CSMD1: variants seen among roughly 807,000 people sequenced by gnomAD.
CSMD1 encodes CUB and sushi domain-containing protein 1.
A neutral mutation model predicts 417.5 loss-of-function variants in CSMD1; 213 were observed. That is an observed-to-expected ratio of 0.51 (90% confidence interval 0.46 to 0.57). The LOEUF is 0.57. CSMD1 is among the 20% of genes least tolerant of loss of function. The pLI, the probability that CSMD1 is intolerant of heterozygous loss-of-function variation, is 0.00. For missense variants in CSMD1, 6,923 were observed against 4,529.7 expected (o/e 1.53, Z -15.17); for synonymous variants, 2,862 against 1,736.8 (o/e 1.65, Z -16.11).
intron 26 of CSMD1, among the ~76,000 whole-genome samples, chr8:3,257,738 A>G (rs1800764818): frequency 6.6e-6 from 1 of 152,028 alleles, no homozygotes; most frequent in Non-Finnish European, 1.5e-5. Context: ...AAGCATGGAC[A>G]TTTCTGGGGC....
chr8:4,042,322 C>T (rs967086299), intron 3 of CSMD1, among the ~76,000 whole-genome samples: 1 of 152,012 alleles, frequency 6.6e-6, no homozygotes, highest in East Asian at 1.9e-4. Context: ...TGTAGAGAGA[C>T]AAAGATAAAG....
In CSMD1 at chr8:3,071,093, G is replaced by A. The variant is rs140697962; in HGVS notation, c.7474+16004C>T. Reference sequence around the variant, plus strand: ...GTGGGTGGGGATGCCACACACCCAGGTCTCAAAAACACTTATTATCATGAA... The same window carrying A: ...GTGGGTGGGGATGCCACACACCCAGATCTCAAAAACACTTATTATCATGAA... On this transcript the variant is annotated intron_variant, in intron 49 of 69. Transcript: ENST00000635120. 7.3e-3 allele frequency among the ~76,000 whole-genome samples: 1,118 copies of A among 152,162 alleles called. 15 individuals carry two copies. Among genetic ancestry groups the A allele is most frequent in the African/African-American group, 0.025 (1,046 of 41,524 alleles).
At chr8:4,924,952 G>A (rs75988144) in intron 1 of CSMD1, among the ~76,000 whole-genome samples, 11,193 of 151,972 alleles carry the variant, frequency 0.074, 534 homozygotes, top group African/African-American at 0.13. Context: ...ATTATGCAAC[G>A]GAAGAATCTT....
At chr8:3,706,970 G>A (rs949222650) in intron 7 of CSMD1, among the ~76,000 whole-genome samples, 3 of 151,996 alleles carry the variant, frequency 2.0e-5, no homozygotes, top group African/African-American at 4.8e-5. Flanking sequence ...AATAGAAAGT[G>A]CCATGCAAAC....
At chr8:2,999,893 T>A in intron 53 of CSMD1, 65 bp downstream of exon 53, 1 of 1,430,260 alleles carries the variant, frequency 7.0e-7, no homozygotes, top group Non-Finnish European at 9.6e-7. Flanking sequence ...TATTGTGACC[T>A]AATAACAAAA....
At chr8:3,875,327 T>A (rs1169719322) in intron 5 of CSMD1, among the ~76,000 whole-genome samples, 1 of 152,098 alleles carries the variant, frequency 6.6e-6, no homozygotes, top group Non-Finnish European at 1.5e-5. Flanking sequence ...GCTGTTCTAT[T>A]AGGTGAAGGA....
At chr8:4,764,882 A>AAAACAAAAAACAAAACAAAACAAAAC (rs1563326772) in intron 1 of CSMD1, among the ~76,000 whole-genome samples, 11 of 47,558 alleles carry the variant, frequency 2.3e-4, no homozygotes, top group African/African-American at 6.9e-4. Context: ...CAAAAAAAAA[A>AAAACAAAAAACAAAACAAAACAAAAC]AAAAAAAAAA....
intron 3 of CSMD1, among the ~76,000 whole-genome samples, chr8:4,145,945 C>T (rs762499969): frequency 3.3e-5 from 5 of 150,996 alleles, no homozygotes; most frequent in South Asian, 4.2e-4. Flanking sequence ...AGACTGACCA[C>T]GCTGTTTCTT....
intron 5 of CSMD1, among the ~76,000 whole-genome samples, chr8:3,767,430 T>A (rs969155899): frequency 6.6e-6 from 1 of 152,206 alleles, no homozygotes; most frequent in South Asian, 2.1e-4. Context: ...ATTGTGTGAA[T>A]AACGATATGT....
intron 4 of CSMD1, among the ~76,000 whole-genome samples, chr8:4,024,066 T>C (rs961822278): frequency 4.6e-5 from 7 of 152,010 alleles, no homozygotes; most frequent in African/African-American, 7.2e-5. Flanking sequence ...GGAGAGAAAA[T>C]ATACTAGAAA....
At chr8:3,722,476 T>C (rs1054167463) in intron 6 of CSMD1, among the ~76,000 whole-genome samples, 12 of 152,202 alleles carry the variant, frequency 7.9e-5, no homozygotes, top group African/African-American at 2.9e-4. Context: ...CAGACAGATC[T>C]GAAACCATTC....
intron 5 of CSMD1, among the ~76,000 whole-genome samples, chr8:3,865,242 CA>C (rs1381058099): frequency 3.3e-5 from 5 of 152,192 alleles, no homozygotes; most frequent in African/African-American, 4.8e-5. Context: ...CCTCAACTAC[CA>C]ACCAAGTAGG....
At chr8:3,962,705 G>A (rs1280235840) in intron 5 of CSMD1, among the ~76,000 whole-genome samples, 6 of 152,074 alleles carry the variant, frequency 3.9e-5, no homozygotes, top group Non-Finnish European at 7.4e-5. Context: ...CAGAGGTGCG[G>A]CCCTTTCTTG....
intron 1 of CSMD1, among the ~76,000 whole-genome samples, chr8:4,882,985 A>G (rs1373682020): frequency 6.6e-6 from 1 of 152,082 alleles, no homozygotes; most frequent in African/African-American, 2.4e-5. Flanking sequence ...CTGCCAAGAC[A>G]GAAGAGAAAA....
At chr8:3,741,655 T>A (rs1257976836) in intron 6 of CSMD1, among the ~76,000 whole-genome samples, 1 of 152,198 alleles carries the variant, frequency 6.6e-6, no homozygotes, top group African/African-American at 2.4e-5. Flanking sequence ...TGAAAAGTAA[T>A]AAGGATTTCT....
In CSMD1 at chr8:3,018,555, C is replaced by T. The variant is rs1174864202; in HGVS notation, c.7951G>A (p.Gly2651Ser). The change falls in exon 52 of 70, where the codon GGC becomes AGC. Residue 2651 changes from glycine to serine, a missense_variant. By Grantham distance (56) the Gly-to-Ser change is moderately conservative. Coordinates refer to ENST00000635120, the MANE Select transcript of CSMD1 (RefSeq NM_033225.6). Reference protein sequence around the residue: ...GATAIFTCNTGYTLVGSHVRE... With the variant: ...GATAIFTCNTSYTLVGSHVRE... ...ACATGAGACCCCACAAGCGTGTAGC[C>T]GGTGTTGCACGTAAATATAGCTGTG... 2 of 1,613,554 alleles carry T rather than the reference C, an allele frequency of 1.2e-6. No individual in the cohort carries two copies. The highest frequency in any genetic ancestry group is 1.7e-6 in the Non-Finnish European group (2 of 1,179,750).
chr8:3,861,685 G>A (rs539550082), intron 5 of CSMD1, among the ~76,000 whole-genome samples: 7 of 152,280 alleles, frequency 4.6e-5, no homozygotes, highest in East Asian at 1.9e-4. Flanking sequence ...AGAGAATAGG[G>A]TTTTTTGTTT....
At chr8:4,447,925 A>AT (rs1174782385) in intron 2 of CSMD1, among the ~76,000 whole-genome samples, 1 of 152,198 alleles carries the variant, frequency 6.6e-6, no homozygotes, top group Non-Finnish European at 1.5e-5. Context: ...AATGACGACA[A>AT]TTACCACACT....
intron 1 of CSMD1, among the ~76,000 whole-genome samples, chr8:4,812,252 C>T (rs1342049631): frequency 2.0e-5 from 3 of 152,192 alleles, no homozygotes; most frequent in Non-Finnish European, 4.4e-5. Context: ...CTGTATTTCA[C>T]AGATGAATAG....
Sources: allele counts gnomAD v4.1 joint callset (sites outside exome capture counted in the v4.1 genomes callset), GRCh38; gene constraint gnomAD v4.1.1; transcripts MANE v1.5; gene names NCBI Gene and HGNC (gene_info 2026-07-23, HGNC 2026-07-21).